PTPRT: variants seen among roughly 807,000 people sequenced by gnomAD.
PTPRT encodes protein tyrosine phosphatase receptor type T.
PTPRT carries 56 observed loss-of-function variants against 176.8 expected under a neutral mutation model. That is an observed-to-expected ratio of 0.32 (90% CI 0.26 to 0.40). The LOEUF (loss-of-function observed/expected upper bound fraction) is 0.40, where lower values mean the gene tolerates loss of function less well. Among genes scored for constraint, PTPRT ranks in the 10% least tolerant of loss-of-function variants. The pLI is 1.00. For missense variants in PTPRT, 1,540 were observed against 1,908.2 expected (o/e 0.81, Z 3.60); for synonymous variants, 783 against 739.0 (o/e 1.06, Z -0.96).
At chr20:42,303,142 T>G (rs1311233861) in intron 12 of PTPRT, among the ~76,000 whole-genome samples, 1 of 152,226 alleles carries the variant, frequency 6.6e-6, no homozygotes, top group Non-Finnish European at 1.5e-5. Flanking sequence ...CAGTCCTTCA[T>G]GCTTCCCTGC....
intron 1 of PTPRT, among the ~76,000 whole-genome samples, chr20:43,047,140 T>C (rs1452128727): frequency 6.6e-6 from 1 of 150,392 alleles, no homozygotes; most frequent in Non-Finnish European, 1.5e-5. Flanking sequence ...GCCCTCTGCC[T>C]TTCTCCCCCA....
chr20:42,572,663 C>T (rs1226071648), intron 7 of PTPRT, among the ~76,000 whole-genome samples: 1 of 152,214 alleles, frequency 6.6e-6, no homozygotes, highest in Non-Finnish European at 1.5e-5. Flanking sequence ...CTTCATAGCA[C>T]TCATCATGAT....
chr20:42,115,776 T>G (rs1021615486), intron 21 of PTPRT, among the ~76,000 whole-genome samples: 1 of 151,650 alleles, frequency 6.6e-6, no homozygotes. Flanking sequence ...TGAGCAAAGA[T>G]GAGAATAAAA....
At chr20:42,315,578 A>G (rs2057708620) in intron 12 of PTPRT, 145 bp downstream of exon 12, 7 of 929,690 alleles carry the variant, frequency 7.5e-6, no homozygotes, top group Non-Finnish European at 1.1e-5. Context: ...CTGTACTATT[A>G]TTTTTTTAAT....
At chr20:43,068,253 C>A (rs549008821) in intron 1 of PTPRT, among the ~76,000 whole-genome samples, 6 of 148,770 alleles carry the variant, frequency 4.0e-5, no homozygotes, top group African/African-American at 1.5e-4. Context: ...GCCTGTAATC[C>A]CAGCACTTTG....
At chr20:42,673,148 A>G (rs1004254892) in intron 7 of PTPRT, among the ~76,000 whole-genome samples, 8 of 152,146 alleles carry the variant, frequency 5.3e-5, no homozygotes, top group Admixed American at 3.9e-4. Context: ...CCTGTGGTGA[A>G]GAGTTTCTCT....
chr20:42,946,439 C>T (rs983331802), intron 1 of PTPRT, among the ~76,000 whole-genome samples: 7 of 152,172 alleles, frequency 4.6e-5, no homozygotes, highest in African/African-American at 1.7e-4. Flanking sequence ...ACCCAGAAAT[C>T]CCAAGAACTA....
rs568803608 is a variant in PTPRT at position 42,706,349 on chromosome 20, C to T, written c.860-28190G>A. Among the ~76,000 whole-genome samples, 330 of 152,090 alleles carry T rather than the reference C, an allele frequency of 2.2e-3. 3 individuals carry two copies. Among genetic ancestry groups the T allele is most frequent in the Non-Finnish European group, 3.5e-3 (235 of 68,006 alleles). The stretch of plus-strand genomic sequence containing the variant: ...TGTTTGTTGTTAATCTCTGAATTGG[C>T]TCATCTTTGCAACCAATTCCCTACA... On this transcript the variant is annotated intron_variant, in intron 6 of 30. Coordinates refer to ENST00000373187, the MANE Select transcript of PTPRT (RefSeq NM_007050.6).
intron 7 of PTPRT, among the ~76,000 whole-genome samples, chr20:42,479,964 C>A (rs888424143): frequency 6.6e-6 from 1 of 152,196 alleles, no homozygotes; most frequent in East Asian, 1.9e-4. Context: ...AGATCCTACC[C>A]GTGCTGATGA....
chr20:42,313,964 C>T (rs1010233752), intron 12 of PTPRT, among the ~76,000 whole-genome samples: 1 of 152,184 alleles, frequency 6.6e-6, no homozygotes, highest in African/African-American at 2.4e-5. Flanking sequence ...CCGGGTTTCT[C>T]ACCAAGCACT....
At chr20:42,692,333 A>G (rs2075805819) in intron 6 of PTPRT, among the ~76,000 whole-genome samples, 1 of 152,234 alleles carries the variant, frequency 6.6e-6, no homozygotes, top group African/African-American at 2.4e-5. Flanking sequence ...GATATATAAA[A>G]TGAATAACAG....
At chr20:42,533,331 G>T (rs577041487) in intron 7 of PTPRT, among the ~76,000 whole-genome samples, 4 of 152,282 alleles carry the variant, frequency 2.6e-5, no homozygotes, top group Admixed American at 2.0e-4. Context: ...GTGTGCCGCC[G>T]GGTCTCAACT....
chr20:42,212,207 T>G (rs2055653331), intron 15 of PTPRT, among the ~76,000 whole-genome samples: 2 of 140,056 alleles, frequency 1.4e-5, no homozygotes, highest in African/African-American at 2.7e-5. Context: ...AGATGACGAG[T>G]TAGTGGGTGC....
chr20:42,308,907 T>C (rs2145344047), intron 12 of PTPRT, among the ~76,000 whole-genome samples: 1 of 152,320 alleles, frequency 6.6e-6, no homozygotes, highest in East Asian at 1.9e-4. Context: ...CCCACTATTA[T>C]AACGTGATTA....
chr20:43,103,880 A>T (rs1399179800), intron 1 of PTPRT, among the ~76,000 whole-genome samples: 1 of 152,178 alleles, frequency 6.6e-6, no homozygotes, highest in African/African-American at 2.4e-5. Context: ...CCTCTTAGGA[A>T]ATAACATCTA....
intron 12 of PTPRT, among the ~76,000 whole-genome samples, chr20:42,315,502 C>T (rs564579544): frequency 6.6e-6 from 1 of 152,254 alleles, no homozygotes; most frequent in African/African-American, 2.4e-5. Context: ...GTCTCTGTTA[C>T]AACTGTTCAA....
chr20:42,403,308 T>A (rs1180495680), intron 9 of PTPRT, among the ~76,000 whole-genome samples: 1 of 152,208 alleles, frequency 6.6e-6, no homozygotes, highest in African/African-American at 2.4e-5. Context: ...CTCTATTTGT[T>A]CATATTCCAA....
At chr20:42,531,593 G>T (rs914168998) in intron 7 of PTPRT, among the ~76,000 whole-genome samples, 3 of 152,168 alleles carry the variant, frequency 2.0e-5, no homozygotes, top group Non-Finnish European at 4.4e-5. Context: ...GTTTCATTTT[G>T]GGGTATAGCC....
chr20:43,018,579 G>T (rs373293983), intron 1 of PTPRT, among the ~76,000 whole-genome samples: 2 of 152,250 alleles, frequency 1.3e-5, no homozygotes, highest in South Asian at 4.2e-4. Context: ...GTAAAATGGC[G>T]GGGGGTGGGA....
Sources: gnomAD v4.1 joint callset for allele counts (sites outside exome capture counted in the v4.1 genomes callset) on GRCh38, gnomAD v4.1.1 for gene constraint, MANE v1.5 for transcripts, NCBI Gene and HGNC (gene_info 2026-07-23, HGNC 2026-07-21) for gene names.